UBN2: variants seen among roughly 807,000 people sequenced by gnomAD.
UBN2 encodes the protein ubinuclein 2, also known as ubinuclein-2.
In UBN2, 35 loss-of-function variants were observed where a neutral mutation model predicts 120.2. The ratio of observed to expected loss-of-function variants is 0.29; its 90% CI spans 0.22 to 0.39. UBN2 has a LOEUF of 0.39. Ranked by LOEUF, UBN2 falls within the 10% of genes least tolerant of loss-of-function variation. The pLI is 1.00. For synonymous variants in UBN2, 661 were observed against 648.7 expected (o/e 1.02, Z -0.29); for missense variants, 1,693 against 1,663.2 (o/e 1.02, Z -0.31).
rs74660733 is a variant in UBN2, at chr7:139,283,111, A to G, written c.2206A>G (p.Ile736Val). 1.3e-4 allele frequency: 206 copies of G among 1,612,998 alleles called. 1 individual carries two copies. In the African/African-American group the frequency reaches 2.6e-3, roughly 20 times the overall value. The stretch of plus-strand genomic sequence containing the variant: ...TCCAACGAGCTCCAGCACAGCTGCC[A>G]TTGCTGCAGCTAGCTCTAGCTCTGC... ...GPPTSSSTAA[I>V]AAASSSSAPA... is the part of the protein sequence containing the mutation. Residue 736 changes from isoleucine (I) to valine (V), a missense_variant, in exon 15 of 18, where the codon ATT becomes GTT. Ile to Val is a conservative substitution (Grantham distance 29). This residue lies in a region of UBN2 where 837 missense variants were observed against 817.6 expected (regional missense o/e 1.02). Transcript: ENST00000473989.
downstream of UBN2, among the ~76,000 whole-genome samples, chr7:139,309,642 C>G (rs12533773): frequency 0.12 from 17,645 of 152,082 alleles, 1,915 homozygotes; most frequent in African/African-American, 0.24. Context: ...TGGCCAAGGC[C>G]GGTGGATCAC....
intron 1 of UBN2, among the ~76,000 whole-genome samples, chr7:139,232,372 C>A (rs935312623): frequency 6.6e-6 from 1 of 152,352 alleles, no homozygotes; most frequent in Admixed American, 6.5e-5. Flanking sequence ...ACACGCCCCC[C>A]AGTCTGAAGC....
At chr7:139,248,127 T>C (rs1796522020) in intron 2 of UBN2, among the ~76,000 whole-genome samples, 1 of 152,182 alleles carries the variant, frequency 6.6e-6, no homozygotes. Context: ...TCTTAACATA[T>C]TGCTTTCTAT....
intron 12 of UBN2, chr7:139,277,391 A>G (rs970798340): frequency 1.3e-5 from 2 of 152,244 alleles, no homozygotes; most frequent in East Asian, 1.9e-4. Context: ...CTTACTGATA[A>G]CATAAATAGT....
chr7:139,248,380 A>G (rs907291526), intron 2 of UBN2, among the ~76,000 whole-genome samples: 3 of 152,164 alleles, frequency 2.0e-5, no homozygotes, highest in Non-Finnish European at 4.4e-5. Flanking sequence ...TTATTGGTAC[A>G]TTCTTTATCA....
the UBN2 span, among the ~76,000 whole-genome samples, chr7:139,320,780 C>T: frequency 5.4e-5 from 8 of 149,374 alleles, no homozygotes; most frequent in African/African-American, 1.7e-4. Context: ...TCGCTTGAAC[C>T]GGGAGGCGGA....
intron 2 of UBN2, among the ~76,000 whole-genome samples, chr7:139,249,139 G>A (rs1478742819): frequency 1.3e-5 from 2 of 151,850 alleles, no homozygotes; most frequent in Non-Finnish European, 2.9e-5. Context: ...GCAAGATGTT[G>A]GTTCCTAGAA....
the UBN2 span, among the ~76,000 whole-genome samples, chr7:139,317,174 T>A: frequency 6.6e-6 from 1 of 152,082 alleles, no homozygotes; most frequent in Non-Finnish European, 1.5e-5. Context: ...GCGGTCTTTT[T>A]ATCATTAATC....
At chr7:139,272,264 G>T in intron 8 of UBN2, 58 bp from the exon 9 acceptor site, 2 of 1,296,722 alleles carry the variant, frequency 1.5e-6, no homozygotes, top group Non-Finnish European at 2.2e-6. Context: ...TTGAGGACCT[G>T]CTTACAAGAT....
intron 8 of UBN2, among the ~76,000 whole-genome samples, chr7:139,270,086 T>C (rs1410033729): frequency 6.6e-6 from 1 of 152,168 alleles, no homozygotes; most frequent in Non-Finnish European, 1.5e-5. Context: ...AAGAAAGATA[T>C]CTTATCCTTA....
Position 139,245,166 on chromosome 7 carries a change from C to T in UBN2, c.562-6790C>T, listed in dbSNP as rs1796436335. 2.0e-5 allele frequency among the ~76,000 whole-genome samples: 3 copies of T among 146,940 alleles called. No individual in the cohort carries two copies. The South Asian group carries it at 6.4e-4, about 32-fold the overall frequency. On this transcript the variant is annotated intron_variant, in intron 2 of 17. Transcript: ENST00000473989. Reference sequence around the variant, plus strand: ...TGTTTCCCAGGCTGGTCTTGAACTCCTGGGCTCAAGCGATCAACCTGCTTC... The same window carrying T: ...TGTTTCCCAGGCTGGTCTTGAACTCTTGGGCTCAAGCGATCAACCTGCTTC...
intron 6 of UBN2, 121 bp from the exon 7 acceptor site, chr7:139,266,212 G>T: frequency 1.9e-6 from 1 of 537,792 alleles, no homozygotes; most frequent in East Asian, 3.3e-5. Flanking sequence ...GGGCAACATA[G>T]AGAGGCCCTA....
At chr7:139,320,811 A>G in the UBN2 span, among the ~76,000 whole-genome samples, 1 of 151,556 alleles carries the variant, frequency 6.6e-6, no homozygotes, top group East Asian at 1.9e-4. Context: ...AGCCAAGATC[A>G]TGCCACTGCA....
the UBN2 span, among the ~76,000 whole-genome samples, chr7:139,316,110 G>GAAAAAAAAAA: frequency 8.8e-6 from 1 of 113,330 alleles, no homozygotes. Context: ...AAAAAAAAGG[G>GAAAAAAAAAA]GTTCCAGTTC....
chr7:139,282,091 T>C, intron 14 of UBN2, 36 bp downstream of exon 14: 1 of 1,598,294 alleles, frequency 6.3e-7, no homozygotes. Flanking sequence ...GTATGTAATA[T>C]AACACTCTAG....
intron 1 of UBN2, among the ~76,000 whole-genome samples, chr7:139,233,734 T>G (rs1461407891): frequency 6.6e-6 from 1 of 152,188 alleles, no homozygotes; most frequent in Non-Finnish European, 1.5e-5. Flanking sequence ...TCTCTGTTTA[T>G]GCTGTAATAT....
At position 139,231,490 on chromosome 7, in the gene UBN2, G is replaced by A; in HGVS notation, c.6G>A (p.Ala2=). 1.4e-6 allele frequency: 2 copies of A among 1,385,820 alleles called. No homozygotes were observed. The highest frequency in any genetic ancestry group is 1.9e-6 in the Non-Finnish European group (2 of 1,061,350). 85.8% of individuals were successfully genotyped at this position (1,385,820 alleles called of 1,614,324 possible). M[A]EPRRVAFISL... ...GGAGGGCCAGAACAGTGGGGATGGCGGAGCCGCGCAGAGTAGCGTTCATTA... is the reference window on the plus strand; with the variant it reads ...GGAGGGCCAGAACAGTGGGGATGGCAGAGCCGCGCAGAGTAGCGTTCATTA... Residue 2 remains alanine, a synonymous_variant, in exon 1 of 18, where the codon GCG becomes GCA. Transcript: ENST00000473989.
In UBN2 at chr7:139,293,270, T is replaced by G; in HGVS notation, c.3708T>G (p.Pro1236=). The G allele has an allele frequency of 6.2e-7, 1 of 1,614,230 alleles. No individual in the cohort carries two copies. The highest frequency in any genetic ancestry group is 8.5e-7 in the Non-Finnish European group (1 of 1,180,020). The change falls in exon 16 of 18, where the codon CCT becomes CCG. Residue 1236 remains proline, a synonymous_variant. Transcript: ENST00000473989. ...CATCATTATTGGCTAATGCCTCACCTCTGACTCTCATGACATCACCTTTGT... is the reference window on the plus strand; with the variant it reads ...CATCATTATTGGCTAATGCCTCACCGCTGACTCTCATGACATCACCTTTGT... ...AGASLLANAS[P]LTLMTSPLSV...
Position 139,231,689 on chromosome 7 carries a change from G to A in UBN2, c.205G>A (p.Glu69Lys). 4 of 1,181,514 alleles carry A rather than the reference G, an allele frequency of 3.4e-6. No homozygotes were observed. Among genetic ancestry groups the A allele is most frequent in the Non-Finnish European group, 4.2e-6 (4 of 958,628 alleles). 73.2% of individuals were successfully genotyped at this position (1,181,514 alleles called of 1,614,324 possible). A position where few individuals can be genotyped will look rare whatever the true frequency, so the allele number is the denominator to read the frequency against. Residue 69 changes from glutamate (E) to lysine (K), a missense_variant, in exon 1 of 18, where the codon GAG becomes AAG. This residue lies in a region of UBN2 where 663 missense variants were observed against 591.2 expected (regional missense o/e 1.12). Coordinates refer to ENST00000473989, the MANE Select transcript of UBN2 (RefSeq NM_173569.4). Reference sequence around the variant, plus strand: ...CTCGGACGCGCAGCCCCCGTCGCGGGAGAAGCCGCTCCCCCAGCGCGAGGT... The same window carrying A: ...CTCGGACGCGCAGCCCCCGTCGCGGAAGAAGCCGCTCCCCCAGCGCGAGGT... Reference protein sequence around the residue: ...PRSDAQPPSREKPLPQREVSR... With the variant: ...PRSDAQPPSRKKPLPQREVSR...
Sources: gnomAD v4.1 joint callset for allele counts (sites outside exome capture counted in the v4.1 genomes callset) on GRCh38, gnomAD v4.1.1 for gene constraint, gnomAD v4.1.1 regional missense constraint, MANE v1.5 for transcripts, NCBI Gene and HGNC (gene_info 2026-07-23, HGNC 2026-07-21) for gene names.